KCNA10: variants seen among roughly 807,000 people sequenced by gnomAD.
KCNA10 encodes the protein cyclic GMP gated potassium channel.
Under a neutral mutation model 21.4 loss-of-function variants are expected in KCNA10, and 16 were observed. The ratio of observed to expected loss-of-function variants is 0.75; its 90% confidence interval spans 0.51 to 1.14. KCNA10 has a LOEUF of 1.14. Among genes scored for constraint, KCNA10 ranks in the 50% most tolerant of loss-of-function variants. The probability of loss-of-function intolerance (pLI) is 0.00; values close to 1 mark genes in which losing one functional copy is unlikely to be tolerated. For missense variants in KCNA10, 677 were observed against 649.1 expected, an observed-to-expected ratio of 1.04 and a Z score of -0.47; for synonymous variants, 276 against 245.9, an observed-to-expected ratio of 1.12 and a Z score of -1.15.
rs749776998 is a variant in KCNA10, at chr1:110,518,384, C to T, written c.404G>A (p.Arg135Gln). The part of the protein sequence containing the change: ...MRNEYFFDRN[R>Q]PSFDGILYYY... ...ATATAGGATTCCATCAAAACTGGGC[C>T]GGTTCCGATCAAAGAAATACTCATT... The change falls in exon 1 of 1, where the codon CGG (arginine) becomes CAG (glutamine). Residue 135 changes from arginine (R) to glutamine (Q), a missense_variant. Transcript: ENST00000369771. 1.3e-5 allele frequency: 21 copies of T among 1,614,058 alleles called. No homozygotes were observed. Among genetic ancestry groups the T allele is most frequent in the African/African-American group, 6.7e-5 (5 of 74,922 alleles).
chr1:110,517,408 G>A lies in KCNA10; in HGVS notation c.1380C>T (p.Phe460=). The A allele has an allele frequency of 6.2e-7, 1 of 1,614,162 alleles. No homozygotes were observed. Among genetic ancestry groups the A allele is most frequent in the South Asian group, 1.1e-5 (1 of 91,086 alleles). The change falls in exon 1 of 1, where the codon TTC becomes TTT. Residue 460 remains phenylalanine, a synonymous_variant. Coordinates refer to ENST00000369771, the MANE Select transcript of KCNA10 (RefSeq NM_005549.2). Reference sequence around the variant, plus strand: ...CAGTCTCCCGGTGGTAGAAGTAATTGAAGTTGGAGACAATGACAGGCACAG... The same window carrying A: ...CAGTCTCCCGGTGGTAGAAGTAATTAAAGTTGGAGACAATGACAGGCACAG... The part of the protein sequence containing the change: ...ALPVPVIVSN[F]NYFYHRETEN...
Position 110,518,130 on chromosome 1 carries a change from C to A in KCNA10, c.658G>T (p.Val220Leu), listed in dbSNP as rs34970857. 1 of 1,613,674 alleles carries A rather than the reference C, an allele frequency of 6.2e-7. No homozygotes were observed. The highest frequency in any genetic ancestry group is 2.2e-5 in the East Asian group (1 of 44,788). ...ESSSAARAVA[V>L]VSVLVVVISI... is the part of the protein sequence containing the mutation. The stretch of plus-strand genomic sequence containing the variant: ...ATGACCACAACCAACACCGAGACCA[C>A]GGCCACAGCACGGGCAGCGCTGGAA... The change falls in exon 1 of 1, where the codon GTG (valine) becomes TTG (leucine). Residue 220 changes from valine (V) to leucine (L), a missense_variant. Physicochemically the swap from Val to Leu is conservative, Grantham distance 32 (BLOSUM62 1). Coordinates refer to ENST00000369771, the MANE Select transcript of KCNA10 (RefSeq NM_005549.2).
Position 110,518,135 on chromosome 1 carries a change from A to G in KCNA10, c.653T>C (p.Val218Ala), listed in dbSNP as rs771385717. Residue 218 changes from valine to alanine, a missense_variant, in exon 1 of 1, where the codon GTG becomes GCG. Physicochemically the swap from Val to Ala is moderately conservative, Grantham distance 64. Transcript: ENST00000369771. ...YPESSSAARAVAVVSVLVVVI... is the reference protein window; with the variant it reads ...YPESSSAARAAAVVSVLVVVI... ...CACAACCAACACCGAGACCACGGCC[A>G]CAGCACGGGCAGCGCTGGAACTTTC... The G allele has an allele frequency of 1.2e-6, 2 of 1,613,620 alleles. No individual in the cohort carries two copies. Among genetic ancestry groups the G allele is most frequent in the East Asian group, 2.2e-5 (1 of 44,794 alleles).
rs1647309277 is a variant in KCNA10 at position 110,519,050 on chromosome 1, A to G, written c.-263T>C. ...AAACTAATAACTAGGAGAAATTGCAAAAAAAGGATCCTGGCAAAGAAGGGG... is the reference window on the plus strand; with the variant it reads ...AAACTAATAACTAGGAGAAATTGCAGAAAAAGGATCCTGGCAAAGAAGGGG... On this transcript the variant is annotated 5_prime_UTR_variant, in exon 1 of 1. Coordinates refer to ENST00000369771, the MANE Select transcript of KCNA10 (RefSeq NM_005549.2). The G allele has an allele frequency of 2.9e-6, 1 of 346,570 alleles. No homozygotes were observed. Among genetic ancestry groups the G allele is most frequent in the South Asian group, 1.1e-4 (1 of 9,172 alleles). 21.5% of individuals were successfully genotyped at this position (346,570 alleles called of 1,614,324 possible). A position where few individuals can be genotyped will look rare whatever the true frequency, so the allele number is the denominator to read the frequency against.
Position 110,519,149 on chromosome 1 carries a change from C to T in KCNA10, c.-362G>A, listed in dbSNP as rs1027983356. On this transcript the variant is annotated 5_prime_UTR_variant, in exon 1 of 1. Transcript: ENST00000369771. ...CATACTAAAAGAGGAAGTTAACATT[C>T]CTTAATAATAAAAAGCATGATCTTG... The T allele has an allele frequency of 1.6e-5, 3 of 191,434 alleles. No individual in the cohort carries two copies. The highest frequency in any genetic ancestry group is 5.9e-5 in the Admixed American group (1 of 17,088). The allele number at this position is 191,434 out of a possible 1,614,324, so 11.9% of individuals were successfully genotyped here. A position where few individuals can be genotyped will look rare whatever the true frequency, so the allele number is the denominator to read the frequency against.
rs774267324 is a variant in KCNA10 at position 110,517,437 on chromosome 1, G to A, written c.1351C>T (p.Leu451Phe). Residue 451 changes from leucine (L) to phenylalanine (F), a missense_variant, in exon 1 of 1, where the codon CTC becomes TTC. Leu to Phe is a conservative substitution (Grantham distance 22). Transcript: ENST00000369771. ...CAIAGVLTIA[L>F]PVPVIVSNFN... ...TTGGAGACAATGACAGGCACAGGGA[G>A]GGCAATGGTGAGGACCCCTGCAATG... 6.2e-7 allele frequency: 1 copy of A among 1,614,210 alleles called. No homozygotes were observed. Among genetic ancestry groups the A allele is most frequent in the Admixed American group, 1.7e-5 (1 of 60,026 alleles).
chr1:110,517,803 GCT>G lies in KCNA10; in HGVS notation c.983_984del (p.Glu328AlafsTer69), dbSNP rs1647260456. On this transcript the variant is annotated frameshift_variant, in exon 1 of 1. Transcript: ENST00000369771. LOFTEE classifies it high-confidence loss of function. ...TLITELVQET[E>X]PSAQQNMSLA... ...AGGGACATGTTCTGTTGGGCACTCGGCTCTGTCTCCTGGACTAGCTCTGTGAT... is the reference window on the plus strand; with the variant it reads ...AGGGACATGTTCTGTTGGGCACTCGGCTGTCTCCTGGACTAGCTCTGTGAT... 3 of 1,614,114 alleles carry G rather than the reference GCT, an allele frequency of 1.9e-6. No homozygotes were observed. The South Asian group carries it at 3.3e-5, about 18-fold the overall frequency.
rs1647287583 is a variant in KCNA10, at chr1:110,518,435, C to T, written c.353G>A (p.Arg118Lys). ...PETLLGDREK[R>K]MQFFDSMRNE... ...TCTCATGGAGTCAAAGAACTGCATC[C>T]TTTTTTCCCGGTCTCCCAGGAGAGT... Residue 118 changes from arginine to lysine, a missense_variant, in exon 1 of 1, where the codon AGG becomes AAG. Coordinates refer to ENST00000369771, the MANE Select transcript of KCNA10 (RefSeq NM_005549.2). The T allele has an allele frequency of 6.2e-7, 1 of 1,614,020 alleles. No individual in the cohort carries two copies. Among genetic ancestry groups the T allele is most frequent in the African/African-American group, 1.3e-5 (1 of 74,912 alleles).
rs762435510 is a variant in KCNA10, at chr1:110,517,979, G to C, written c.809C>G (p.Pro270Arg). 6.2e-7 allele frequency: 1 copy of C among 1,613,894 alleles called. No individual in the cohort carries two copies. The highest frequency in any genetic ancestry group is 8.5e-7 in the Non-Finnish European group (1 of 1,180,028). The change falls in exon 1 of 1, where the codon CCT becomes CGT. Residue 270 changes from proline (P) to arginine (R), a missense_variant. Pro to Arg is a moderately radical substitution (Grantham distance 103). Coordinates refer to ENST00000369771, the MANE Select transcript of KCNA10 (RefSeq NM_005549.2). ...TVLSQTMFTD[P>R]FFMVESTCIV... ...GCAGGTAGACTCCACCATGAAGAAAGGGTCGGTGAACATGGTCTGGGAGAG... is the reference window on the plus strand; with the variant it reads ...GCAGGTAGACTCCACCATGAAGAAACGGTCGGTGAACATGGTCTGGGAGAG...
rs754933508 is a variant in KCNA10, at chr1:110,518,749, C to G, written c.39G>C (p.Leu13=). ...VCGWKEMEVA[L]VNFDNSDEIQ... ...TTTCATCTGAATTATCAAAATTGACCAGCGCAACCTCCATTTCTTTCCAGC... is the reference window on the plus strand; with the variant it reads ...TTTCATCTGAATTATCAAAATTGACGAGCGCAACCTCCATTTCTTTCCAGC... Residue 13 remains leucine, a synonymous_variant, in exon 1 of 1, where the codon CTG becomes CTC. Coordinates refer to ENST00000369771, the MANE Select transcript of KCNA10 (RefSeq NM_005549.2). 2 of 1,603,018 alleles carry G rather than the reference C, an allele frequency of 1.2e-6. No homozygotes were observed. The highest frequency in any genetic ancestry group is 8.5e-7 in the Non-Finnish European group (1 of 1,173,266).
At position 110,517,496 on chromosome 1, in the gene KCNA10, G is replaced by A. The variant is rs1262503421; in HGVS notation, c.1292C>T (p.Thr431Ile). ...AGTGCCCACAATCTTCCCCCCTGGG[G>A]TGGTCGGGCACATGTCCCCATAGCC... ...TVGYGDMCPT[T>I]PGGKIVGTLC... The change falls in exon 1 of 1, where the codon ACC becomes ATC. Residue 431 changes from threonine (T) to isoleucine (I), a missense_variant. Transcript: ENST00000369771. 2.5e-6 allele frequency: 4 copies of A among 1,614,078 alleles called. No homozygotes were observed. The highest frequency in any genetic ancestry group is 1.3e-5 in the African/African-American group (1 of 74,938).
chr1:110,518,847 A>G lies in KCNA10; in HGVS notation c.-60T>C. On this transcript the variant is annotated 5_prime_UTR_variant, in exon 1 of 1. Transcript: ENST00000369771. ...CAGCCTTCACTGCCTGCTGTGAGCT[A>G]TGGAGAAGAAGAAGTTCATTATACA... The G allele has an allele frequency of 7.4e-7, 1 of 1,353,040 alleles. No individual in the cohort carries two copies. The highest frequency in any genetic ancestry group is 9.9e-7 in the Non-Finnish European group (1 of 1,005,212). The allele number at this position is 1,353,040 out of a possible 1,614,324, so 83.8% of individuals were successfully genotyped here.
rs1373775520 is a variant in KCNA10 at position 110,517,966 on chromosome 1, C to T, written c.822G>A (p.Val274=). 6 of 1,613,702 alleles carry T rather than the reference C, an allele frequency of 3.7e-6. No homozygotes were observed. The African/African-American group carries it at 4.0e-5, about 11-fold the overall frequency. Residue 274 remains valine (V), a synonymous_variant, in exon 1 of 1, where the codon GTG becomes GTA. Transcript: ENST00000369771. ...QTMFTDPFFM[V]ESTCIVWFTF... ...TGAACCACACGATGCAGGTAGACTC[C>T]ACCATGAAGAAAGGGTCGGTGAACA...
chr1:110,517,702 C>A lies in KCNA10; in HGVS notation c.1086G>T (p.Gln362His), dbSNP rs147012018. 2.5e-6 allele frequency: 4 copies of A among 1,614,096 alleles called. No homozygotes were observed. ...FKLSRHSKGL[Q>H]ILGQTLKASM... ...ACGCCTTCAGTGTTTGCCCGAGGAT[C>A]TGCAGCCCCTTGGAGTGGCGCGAGA... The change falls in exon 1 of 1, where the codon CAG (glutamine) becomes CAT (histidine). Residue 362 changes from glutamine (Q) to histidine (H), a missense_variant. Transcript: ENST00000369771.
Position 110,518,662 on chromosome 1 carries a change from C to T in KCNA10, c.126G>A (p.Gly42=), listed in dbSNP as rs779816174. The part of the protein sequence containing the change: ...FDSTSPKGRP[G]GSSFSNGKIL... ...TCTTCCCGTTGGAGAAGGAGCTGCC[C>T]CCAGGCCGGCCTTTTGGGCTGGTTG... Residue 42 remains glycine, a synonymous_variant, in exon 1 of 1, where the codon GGG becomes GGA. Coordinates refer to ENST00000369771, the MANE Select transcript of KCNA10 (RefSeq NM_005549.2). 5 of 1,614,074 alleles carry T rather than the reference C, an allele frequency of 3.1e-6. No individual in the cohort carries two copies. Among genetic ancestry groups the T allele is most frequent in the Middle Eastern group, 3.3e-4 (2 of 6,084 alleles).
rs1647302862 is a variant in KCNA10 at position 110,518,959 on chromosome 1, A to G, written c.-172T>C. On this transcript the variant is annotated 5_prime_UTR_variant, in exon 1 of 1. Coordinates refer to ENST00000369771, the MANE Select transcript of KCNA10 (RefSeq NM_005549.2). ...TCAATGACTTATTTGTAGCTTGGGA[A>G]GGAACGTCATGGTTATTTTGGCAGC... is the stretch of plus-strand genomic sequence containing the variant. 1.4e-5 allele frequency: 7 copies of G among 497,032 alleles called. No homozygotes were observed. The highest frequency in any genetic ancestry group is 7.4e-5 in the Admixed American group (2 of 26,854). The allele number at this position is 497,032 out of a possible 1,614,324, so 30.8% of individuals were successfully genotyped here. A position where few individuals can be genotyped will look rare whatever the true frequency, so the allele number is the denominator to read the frequency against.
Position 110,518,691 on chromosome 1 carries a change from C to A in KCNA10, c.97G>T (p.Asp33Tyr), listed in dbSNP as rs375119085. The A allele has an allele frequency of 1.2e-6, 2 of 1,614,074 alleles. No homozygotes were observed. ...GGCCGGCCTTTTGGGCTGGTTGAGT[C>A]GAAGTCTGTGGCATAGCCTGGCTCT... ...QEEPGYATDF[D>Y]STSPKGRPGG... Residue 33 changes from aspartate (D) to tyrosine (Y), a missense_variant, in exon 1 of 1, where the codon GAC (aspartate) becomes TAC (tyrosine). Transcript: ENST00000369771.
In KCNA10 at chr1:110,518,619, T is replaced by C; in HGVS notation, c.169A>G (p.Thr57Ala). The change falls in exon 1 of 1, where the codon ACC (threonine) becomes GCC (alanine). Residue 57 changes from threonine to alanine, a missense_variant. By Grantham distance (58) the Thr-to-Ala change is moderately conservative (BLOSUM62 0). Transcript: ENST00000369771. ...TTGGAGAAGGCCGTCTCATGGTTGG[T>C]GCTTTCGCTGATGAGGATCTTCCCG... is the stretch of plus-strand genomic sequence containing the variant. The part of the protein sequence containing the change: ...SNGKILISES[T>A]NHETAFSKLP... 3.7e-6 allele frequency: 6 copies of C among 1,614,214 alleles called. No individual in the cohort carries two copies. The highest frequency in any genetic ancestry group is 5.1e-6 in the Non-Finnish European group (6 of 1,180,042).
In KCNA10 at chr1:110,518,763, T is replaced by G. The variant is rs777134197; in HGVS notation, c.25A>C (p.Met9Leu). ...TCAAAATTGACCAGCGCAACCTCCA[T>G]TTCTTTCCAGCCACACACATCCATT... Reference protein sequence around the residue: MDVCGWKEMEVALVNFDNS... With the variant: MDVCGWKELEVALVNFDNS... The change falls in exon 1 of 1, where the codon ATG (methionine) becomes CTG (leucine). Residue 9 changes from methionine to leucine, a missense_variant. Coordinates refer to ENST00000369771, the MANE Select transcript of KCNA10 (RefSeq NM_005549.2). The G allele has an allele frequency of 3.8e-6, 6 of 1,585,912 alleles. No homozygotes were observed. Among genetic ancestry groups the G allele is most frequent in the Non-Finnish European group, 4.3e-6 (5 of 1,163,454 alleles).
Sources: allele counts gnomAD v4.1 joint callset, GRCh38; gene constraint gnomAD v4.1.1; transcripts MANE v1.5; gene names NCBI Gene and HGNC (gene_info 2026-07-23, HGNC 2026-07-21).